ANKRD28: variants seen among roughly 807,000 people sequenced by gnomAD.
ANKRD28 encodes the protein serine/threonine-protein phosphatase 6 regulatory ankyrin repeat subunit A.
Under a neutral mutation model 126.5 loss-of-function variants are expected in ANKRD28, and 44 were observed. The ratio of observed to expected loss-of-function variants is 0.35; its 90% CI spans 0.27 to 0.45. ANKRD28 has a LOEUF of 0.45. Among genes scored for constraint, ANKRD28 ranks in the 20% least tolerant of loss-of-function variants. The pLI is 1.00. For missense variants in ANKRD28, 1,110 were observed against 1,316.6 expected (o/e 0.84, Z 2.43); for synonymous variants, 442 against 468.5 (o/e 0.94, Z 0.73).
In ANKRD28 at chr3:15,694,537, GCAAGAAA is replaced by G. The variant is rs2069259291; in HGVS notation, c.1761+195_1761+201del. 2.7e-5 allele frequency among the ~76,000 whole-genome samples: 4 copies of G among 146,226 alleles called. No individual in the cohort carries two copies. In the East Asian group the frequency reaches 7.9e-4, roughly 29 times the overall value. The stretch of plus-strand genomic sequence containing the variant: ...TCTGTCTTTTTTTTTTTTTTCTAAA[GCAAGAAA>G]CAGAAAAAACAAAAACAAAAACCCA... On this transcript the variant is annotated intron_variant, in intron 17 of 27. Transcript: ENST00000683139.
At chr3:15,829,412 A>G (rs564294230) in intron 1 of ANKRD28, among the ~76,000 whole-genome samples, 109 of 152,298 alleles carry the variant, frequency 7.2e-4, no homozygotes, top group African/African-American at 2.6e-3. Context: ...AATCTTTGAT[A>G]TTACATCAAA....
In ANKRD28 at chr3:15,712,121, CT is replaced by C; in HGVS notation, c.1273+18del. The C allele has an allele frequency of 6.4e-7, 1 of 1,555,540 alleles. No homozygotes were observed. Among genetic ancestry groups the C allele is most frequent in the Non-Finnish European group, 8.7e-7 (1 of 1,147,454 alleles). On this transcript the variant is annotated intron_variant, in intron 11 of 27. Coordinates refer to ENST00000683139, the MANE Select transcript of ANKRD28 (RefSeq NM_001349278.2). ...GGGGTTTGAGGAGACATACAAAAGG[CT>C]GCAAAGGTTACACTTACCTGAAGAA... is the stretch of plus-strand genomic sequence containing the variant.
chr3:15,713,288 C>T (rs761903314), intron 10 of ANKRD28, among the ~76,000 whole-genome samples: 7 of 152,060 alleles, frequency 4.6e-5, no homozygotes, highest in African/African-American at 7.2e-5. Flanking sequence ...ATCAAAACTG[C>T]GTTATTACTC....
intron 1 of ANKRD28, among the ~76,000 whole-genome samples, chr3:15,811,392 G>A (rs571343234): frequency 6.6e-6 from 1 of 152,206 alleles, no homozygotes; most frequent in East Asian, 1.9e-4. Context: ...GAAATAAAAG[G>A]GCTTCAGTGA....
chr3:15,704,922 C>T (rs1448061843), intron 14 of ANKRD28, among the ~76,000 whole-genome samples: 1 of 152,124 alleles, frequency 6.6e-6, no homozygotes, highest in African/African-American at 2.4e-5. Context: ...AACAGAGGCT[C>T]CCATTAACAG....
intron 1 of ANKRD28, among the ~76,000 whole-genome samples, chr3:15,810,954 G>A (rs997384063): frequency 2.0e-5 from 3 of 152,140 alleles, no homozygotes; most frequent in Non-Finnish European, 2.9e-5. Context: ...CAAGCCTACT[G>A]TGAGTGACTT....
intron 21 of ANKRD28, among the ~76,000 whole-genome samples, chr3:15,682,024 T>G (rs553418775): frequency 6.6e-6 from 1 of 152,168 alleles, no homozygotes; most frequent in East Asian, 1.9e-4. Flanking sequence ...TAAGAGCCCC[T>G]CATTCTCCAG....
At chr3:15,857,658 A>G (rs535502217) in intron 1 of ANKRD28, among the ~76,000 whole-genome samples, 34 of 152,326 alleles carry the variant, frequency 2.2e-4, no homozygotes, top group Admixed American at 6.5e-4. Flanking sequence ...TGGCATCACA[A>G]TTTTCTCACA....
chr3:15,686,624 C>T (rs773283630), intron 18 of ANKRD28, among the ~76,000 whole-genome samples: 28 of 152,116 alleles, frequency 1.8e-4, no homozygotes, highest in Non-Finnish European at 3.2e-4. Context: ...GCCTTGACTC[C>T]AGCAAAGGGA....
chr3:15,780,080 T>C (rs55928077), intron 2 of ANKRD28, among the ~76,000 whole-genome samples: 20,386 of 151,862 alleles, frequency 0.13, 2,073 homozygotes, highest in East Asian at 0.56. Context: ...GCCAGAACAA[T>C]TAGGCAAGAG....
At chr3:15,730,627 A>G (rs1473913206) in intron 6 of ANKRD28, among the ~76,000 whole-genome samples, 1 of 152,246 alleles carries the variant, frequency 6.6e-6, no homozygotes, top group African/African-American at 2.4e-5. Context: ...TTACTTTCAC[A>G]TATTTAACTC....
At chr3:15,819,774 C>CA (rs1424861258) in intron 1 of ANKRD28, among the ~76,000 whole-genome samples, 14 of 152,122 alleles carry the variant, frequency 9.2e-5, no homozygotes, top group Non-Finnish European at 1.9e-4. Context: ...TTTACTCTGC[C>CA]AGTCTGTTTT....
intron 4 of ANKRD28, among the ~76,000 whole-genome samples, chr3:15,751,348 A>G (rs2057850466): frequency 6.6e-6 from 1 of 152,188 alleles, no homozygotes; most frequent in African/African-American, 2.4e-5. Context: ...ATGGTTTTGA[A>G]GCTAATTTCA....
chr3:15,686,546 G>A (rs1262955904), intron 18 of ANKRD28: 1 of 522,984 alleles, frequency 1.9e-6, no homozygotes, highest in Non-Finnish European at 3.4e-6. Flanking sequence ...CAGCACCCAT[G>A]CCCTATCATC....
chr3:15,678,342 A>G lies in ANKRD28; in HGVS notation c.2574T>C (p.His858=). 1 of 1,605,896 alleles carries G rather than the reference A, an allele frequency of 6.2e-7. No homozygotes were observed. Among genetic ancestry groups the G allele is most frequent in the Non-Finnish European group, 8.5e-7 (1 of 1,177,210 alleles). ...CTACATGGTCTGTGAAGGCGGCTGCATGGAGAGGAGTTCTGTGATAAAGAA... is the reference window on the plus strand; with the variant it reads ...CTACATGGTCTGTGAAGGCGGCTGCGTGGAGAGGAGTTCTGTGATAAAGAA... ...ATDSKGRTPL[H]AAAFTDHVEC... is the part of the protein sequence containing the mutation. Residue 858 remains histidine, a synonymous_variant, in exon 24 of 28, where the codon CAT becomes CAC. Coordinates refer to ENST00000683139, the MANE Select transcript of ANKRD28 (RefSeq NM_001349278.2).
At position 15,743,566 on chromosome 3, in the gene ANKRD28, A is replaced by G. The variant is rs1182700582; in HGVS notation, c.352-6333T>C. Among the ~76,000 whole-genome samples the G allele has an allele frequency of 5.9e-5, 9 of 151,394 alleles. No homozygotes were observed. The East Asian group carries it at 1.4e-3, about 23-fold the overall frequency. On this transcript the variant is annotated intron_variant, in intron 4 of 27. Coordinates refer to ENST00000683139, the MANE Select transcript of ANKRD28 (RefSeq NM_001349278.2). ...TTTTAACACACACACACACACACAC[A>G]CACACACACACACACACACACACAC... is the stretch of plus-strand genomic sequence containing the variant.
chr3:15,714,288 T>C (rs1239342011), intron 9 of ANKRD28, among the ~76,000 whole-genome samples: 2 of 151,974 alleles, frequency 1.3e-5, no homozygotes, highest in Non-Finnish European at 2.9e-5. Context: ...TAATACAAAT[T>C]ATGGTAGAAA....
chr3:15,805,372 G>A (rs977573977), intron 1 of ANKRD28, among the ~76,000 whole-genome samples: 1 of 152,048 alleles, frequency 6.6e-6, no homozygotes, highest in African/African-American at 2.4e-5. Context: ...TAAGGAAAAG[G>A]ACTCATCATT....
intron 4 of ANKRD28, among the ~76,000 whole-genome samples, chr3:15,751,031 GAA>G (rs879285787): frequency 1.4e-5 from 2 of 139,558 alleles, no homozygotes. Flanking sequence ...TAAAATAACA[GAA>G]AAAAAAAAAA....
Sources: gnomAD v4.1 joint callset for allele counts (sites outside exome capture counted in the v4.1 genomes callset) on GRCh38, gnomAD v4.1.1 for gene constraint, MANE v1.5 for transcripts, NCBI Gene and HGNC (gene_info 2026-07-23, HGNC 2026-07-21) for gene names.